LMO7: variants seen among roughly 807,000 people sequenced by gnomAD.
The protein encoded by LMO7 is LIM domain only protein 7.
Under a neutral mutation model 206.5 loss-of-function variants are expected in LMO7, and 120 were observed. That is an observed-to-expected ratio of 0.58 (90% CI 0.50 to 0.68). LMO7 has a LOEUF of 0.68. Ranked by LOEUF, LMO7 falls within the 30% of genes least tolerant of loss-of-function variation. The pLI is 0.00. For synonymous variants in LMO7, 706 were observed against 681.5 expected, an observed-to-expected ratio of 1.04 and a Z score of -0.56; for missense variants, 1,959 against 1,957.9, an observed-to-expected ratio of 1.00 and a Z score of -0.01.
chr13:75,817,374 A>G (rs1049953627), intron 12 of LMO7, 96 bp downstream of exon 12: 4 of 744,940 alleles, frequency 5.4e-6, no homozygotes, highest in African/African-American at 5.3e-5. Context: ...TTTCCTTGCT[A>G]TTACAGAATT....
chr13:75,770,595 A>G (rs998555513), intron 4 of LMO7, among the ~76,000 whole-genome samples: 14 of 152,084 alleles, frequency 9.2e-5, no homozygotes, highest in Non-Finnish European at 2.9e-5. Context: ...TAAGGAACAG[A>G]AGTGATTGAG....
chr13:75,671,507 C>T (rs776934628), intron 1 of LMO7, among the ~76,000 whole-genome samples: 11 of 152,142 alleles, frequency 7.2e-5, no homozygotes, highest in South Asian at 4.2e-4. Context: ...CATCTTTATC[C>T]GGCGTGTGAT....
At chr13:75,802,186 A>G (rs916588910) in intron 7 of LMO7, among the ~76,000 whole-genome samples, 27 of 152,268 alleles carry the variant, frequency 1.8e-4, no homozygotes, top group Admixed American at 3.3e-4. Context: ...TAAGCATGGT[A>G]ACAAAAAACC....
intron 1 of LMO7, chr13:75,621,917 A>G: frequency 1.5e-6 from 2 of 1,359,170 alleles, no homozygotes; most frequent in South Asian, 1.9e-5. Context: ...TGAAAGAACT[A>G]AGGCAGAGCA....
Position 75,823,671 on chromosome 13 carries a change from C to T in LMO7, c.2747C>T (p.Ser916Leu). The change falls in exon 15 of 31, where the codon TCA (serine) becomes TTA (leucine). Residue 916 changes from serine to leucine, a missense_variant. Coordinates refer to ENST00000377534, the MANE Select transcript of LMO7 (RefSeq NM_001306080.2). ...AGCCCGGACGCAAGCCAACTGGCTT[C>T]AAGCTTATCTAGCCAGAAAGAGGTA... ...APSPDASQLA[S>L]SLSSQKEVAA... The T allele has an allele frequency of 6.2e-7, 1 of 1,614,166 alleles. No individual in the cohort carries two copies. Among genetic ancestry groups the T allele is most frequent in the Non-Finnish European group, 8.5e-7 (1 of 1,180,014 alleles).
chr13:75,692,340 G>T (rs1341020481), intron 1 of LMO7, among the ~76,000 whole-genome samples: 1 of 151,768 alleles, frequency 6.6e-6, no homozygotes, highest in Non-Finnish European at 1.5e-5. Flanking sequence ...TTATTTAAGA[G>T]ATTTTTACAC....
chr13:75,654,450 G>T (rs1311286145), intron 1 of LMO7, among the ~76,000 whole-genome samples: 2 of 151,590 alleles, frequency 1.3e-5, no homozygotes, highest in African/African-American at 4.8e-5. Context: ...AATCCAATTG[G>T]AAGCCACTGG....
At chr13:75,736,552 T>TTTTC (rs2045836678) in intron 3 of LMO7, among the ~76,000 whole-genome samples, 1 of 152,216 alleles carries the variant, frequency 6.6e-6, no homozygotes, top group Non-Finnish European at 1.5e-5. Context: ...TTTTTCTAGT[T>TTTTC]TACAGCTGCG....
intron 4 of LMO7, among the ~76,000 whole-genome samples, chr13:75,772,693 A>G (rs1472988697): frequency 6.6e-6 from 1 of 152,112 alleles, no homozygotes; most frequent in Non-Finnish European, 1.5e-5. Context: ...TTTTTTAACA[A>G]AAGAAAAACA....
chr13:75,773,015 G>T (rs1354509754), intron 4 of LMO7, among the ~76,000 whole-genome samples: 1 of 152,098 alleles, frequency 6.6e-6, no homozygotes, highest in East Asian at 1.9e-4. Context: ...ATGATGGAGT[G>T]AGAGTTTAAT....
intron 4 of LMO7, among the ~76,000 whole-genome samples, chr13:75,774,415 A>T (rs979173423): frequency 6.6e-6 from 1 of 152,064 alleles, no homozygotes; most frequent in African/African-American, 2.4e-5. Context: ...GATTTGCCAC[A>T]GTTTGTTTAT....
At chr13:75,672,969 CTT>C (rs1412942021) in intron 1 of LMO7, among the ~76,000 whole-genome samples, 58 of 152,128 alleles carry the variant, frequency 3.8e-4, no homozygotes, top group African/African-American at 1.2e-3. Flanking sequence ...AACTTAAAAA[CTT>C]TTTATCTAGT....
At chr13:75,747,752 A>C (rs368356759) in intron 3 of LMO7, among the ~76,000 whole-genome samples, 3 of 152,320 alleles carry the variant, frequency 2.0e-5, no homozygotes, top group East Asian at 1.9e-4. Flanking sequence ...GAAATAGTGA[A>C]TATGTTACAA....
chr13:75,778,853 G>A (rs981866868), intron 4 of LMO7, among the ~76,000 whole-genome samples: 3 of 152,010 alleles, frequency 2.0e-5, no homozygotes, highest in Non-Finnish European at 4.4e-5. Flanking sequence ...TTACCTGCAG[G>A]GCTCATTAAA....
At chr13:75,654,260 G>A (rs925038360) in intron 1 of LMO7, among the ~76,000 whole-genome samples, 1 of 152,204 alleles carries the variant, frequency 6.6e-6, no homozygotes, top group Non-Finnish European at 1.5e-5. Flanking sequence ...GGCCAAAAAG[G>A]TTTGAGAAAG....
chr13:75,791,372 G>T (rs1409444977), intron 4 of LMO7, among the ~76,000 whole-genome samples: 1 of 152,120 alleles, frequency 6.6e-6, no homozygotes, highest in Admixed American at 6.5e-5. Flanking sequence ...CATATTTGAA[G>T]TAGGTTAATG....
At chr13:75,795,257 G>A (rs1247325056) in intron 4 of LMO7, 144 bp from the exon 5 acceptor site, 7 of 570,434 alleles carry the variant, frequency 1.2e-5, no homozygotes, top group African/African-American at 2.0e-5. Context: ...TTCTGATGGA[G>A]ATAATATGAG....
At chr13:75,722,545 A>G (rs573801014) in intron 2 of LMO7, among the ~76,000 whole-genome samples, 1 of 152,280 alleles carries the variant, frequency 6.6e-6, no homozygotes, top group African/African-American at 2.4e-5. Context: ...TAAAAAAAAA[A>G]TAGTTGTTGG....
chr13:75,640,701 A>G (rs1226702210), intron 1 of LMO7, among the ~76,000 whole-genome samples: 1 of 152,214 alleles, frequency 6.6e-6, no homozygotes, highest in Non-Finnish European at 1.5e-5. Flanking sequence ...CTTGTTGAAT[A>G]AAAGTACAAA....
Sources: allele counts gnomAD v4.1 joint callset (sites outside exome capture counted in the v4.1 genomes callset), GRCh38; gene constraint gnomAD v4.1.1; transcripts MANE v1.5; gene names NCBI Gene and HGNC (gene_info 2026-07-23, HGNC 2026-07-21).